PRKCH: variants seen among roughly 807,000 people sequenced by gnomAD.
PRKCH encodes the protein protein kinase C eta.
A neutral mutation model predicts 82.5 loss-of-function variants in PRKCH; 28 were observed. The ratio of observed to expected loss-of-function variants is 0.34; its 90% CI spans 0.25 to 0.47. The LOEUF is 0.47. Among genes scored for constraint, PRKCH ranks in the 20% least tolerant of loss-of-function variants. PRKCH has a pLI of 1.00. For missense variants in PRKCH, 705 were observed against 881.8 expected, an observed-to-expected ratio of 0.80 and a Z score of 2.54; for synonymous variants, 322 against 327.4, an observed-to-expected ratio of 0.98 and a Z score of 0.18.
At chr14:61,344,770 G>A (rs1323650338) in intron 1 of PRKCH, among the ~76,000 whole-genome samples, 1 of 152,100 alleles carries the variant, frequency 6.6e-6, no homozygotes, top group East Asian at 1.9e-4. Context: ...ATTTCTAGAA[G>A]TTCCTCCCGC....
chr14:61,429,792 T>G (rs1013763043), intron 2 of PRKCH, among the ~76,000 whole-genome samples: 1 of 152,100 alleles, frequency 6.6e-6, no homozygotes, highest in African/African-American at 2.4e-5. Flanking sequence ...AATATTAAAA[T>G]TTAACTAGTT....
intron 13 of PRKCH, 60 bp downstream of exon 13, chr14:61,547,946 A>G (rs1478963131): frequency 1.3e-6 from 2 of 1,582,096 alleles, no homozygotes; most frequent in Admixed American, 1.7e-5. Context: ...GCATTCCACC[A>G]AAGTCCGTAG....
intron 3 of PRKCH, 39 bp downstream of exon 3, chr14:61,443,300 C>T: frequency 6.3e-7 from 1 of 1,584,058 alleles, no homozygotes; most frequent in South Asian, 1.1e-5. Context: ...TCAGAGCTTC[C>T]ATCTAATAGG....
intron 1 of PRKCH, among the ~76,000 whole-genome samples, chr14:61,203,328 G>A (rs2044497036): frequency 6.6e-6 from 1 of 152,092 alleles, no homozygotes; most frequent in Non-Finnish European, 1.5e-5. Flanking sequence ...GGAAGGGGTG[G>A]GGGACGTTAG....
intron 1 of PRKCH, among the ~76,000 whole-genome samples, chr14:61,351,800 A>T (rs1037217842): frequency 6.6e-6 from 1 of 152,182 alleles, no homozygotes; most frequent in African/African-American, 2.4e-5. Context: ...AAATTTGAAC[A>T]TCCAACTTCA....
At chr14:61,450,355 T>C (rs1036353817) in intron 5 of PRKCH, among the ~76,000 whole-genome samples, 5 of 152,230 alleles carry the variant, frequency 3.3e-5, no homozygotes, top group African/African-American at 1.2e-4. Flanking sequence ...GTAGTTACTT[T>C]AATGTCACTT....
At chr14:61,236,213 T>C (rs2044786619) in intron 1 of PRKCH, among the ~76,000 whole-genome samples, 2 of 151,660 alleles carry the variant, frequency 1.3e-5, no homozygotes, top group Admixed American at 1.3e-4. Context: ...CTGCTAAAAC[T>C]ACAAAAATTA....
At chr14:61,463,152 T>C (rs987807932) in intron 9 of PRKCH, 1 of 152,202 alleles carries the variant, frequency 6.6e-6, no homozygotes, top group African/African-American at 2.4e-5. Flanking sequence ...ACCCTTAAAG[T>C]TCTTATCATT....
rs1246879615 is a variant in PRKCH, at chr14:61,280,483, C to T, written c.-19+92815C>T. 2 of 1,613,106 alleles carry T rather than the reference C, an allele frequency of 1.2e-6. No homozygotes were observed. Among genetic ancestry groups the T allele is most frequent in the Non-Finnish European group, 1.7e-6 (2 of 1,179,624 alleles). On this transcript the variant is annotated intron_variant, in intron 1 of 3. Coordinates refer to the PRKCH transcript ENST00000555185. This position sits in a 1 kb window ranked among gnomAD's most constrained non-coding sequence, Gnocchi z 5.0. Reference sequence around the variant, plus strand: ...GCGCCAGTTGGGCGGGGGCGCCGTGCCCTGGAAGGCCAACGCCAGGCTGCC... The same window carrying T: ...GCGCCAGTTGGGCGGGGGCGCCGTGTCCTGGAAGGCCAACGCCAGGCTGCC...
chr14:61,443,106 T>G lies in PRKCH; in HGVS notation c.428-5T>G. On this transcript the variant is annotated splice_region_variant and splice_polypyrimidine_tract_variant and intron_variant, in intron 2 of 13. Coordinates refer to ENST00000332981, the MANE Select transcript of PRKCH (RefSeq NM_006255.5). ...ATTCTTTTTTTCCTTCCTTTTAATA[T>G]ATAGCTACTCTCCAGAGAGACCGGA... 6.2e-7 allele frequency: 1 copy of G among 1,612,288 alleles called. No individual in the cohort carries two copies. The highest frequency in any genetic ancestry group is 8.5e-7 in the Non-Finnish European group (1 of 1,178,996).
At chr14:61,381,579 G>A (rs187874872) in intron 1 of PRKCH, among the ~76,000 whole-genome samples, 2 of 152,314 alleles carry the variant, frequency 1.3e-5, no homozygotes, top group East Asian at 1.9e-4. Flanking sequence ...ATGCTGACTC[G>A]GACTCTCCAG....
At chr14:61,327,497 A>G (rs1483285782) in intron 1 of PRKCH, among the ~76,000 whole-genome samples, 3 of 152,338 alleles carry the variant, frequency 2.0e-5, no homozygotes, top group African/African-American at 7.2e-5. Context: ...TGTATTGGCT[A>G]TGTAGCGTCT....
chr14:61,352,838 A>G (rs1021693482), intron 1 of PRKCH, among the ~76,000 whole-genome samples: 1 of 152,230 alleles, frequency 6.6e-6, no homozygotes, highest in Non-Finnish European at 1.5e-5. Context: ...TAGTATCAGT[A>G]TAGGCCTGCA....
intron 10 of PRKCH, among the ~76,000 whole-genome samples, chr14:61,518,920 C>T (rs1455831747): frequency 6.6e-6 from 1 of 152,118 alleles, no homozygotes; most frequent in Non-Finnish European, 1.5e-5. Flanking sequence ...TCAAGCAATC[C>T]TCTCACCCCA....
intron 1 of PRKCH, among the ~76,000 whole-genome samples, chr14:61,235,475 C>T (rs2044780159): frequency 1.3e-5 from 2 of 152,164 alleles, no homozygotes; most frequent in African/African-American, 4.8e-5. Flanking sequence ...TTGCCCCTAC[C>T]AGCGCTTGAG....
At chr14:61,189,466 G>T (rs1330491579) in intron 1 of PRKCH, among the ~76,000 whole-genome samples, 1 of 151,994 alleles carries the variant, frequency 6.6e-6, no homozygotes, top group African/African-American at 2.4e-5. Context: ...GCCTTGAGAT[G>T]CTTCCTTTAT....
At chr14:61,357,764 A>G (rs1442532559) in intron 1 of PRKCH, among the ~76,000 whole-genome samples, 2 of 151,972 alleles carry the variant, frequency 1.3e-5, no homozygotes, top group South Asian at 2.1e-4. Flanking sequence ...TGCTGCCTCT[A>G]TGTCTTGTAT....
At chr14:61,272,418 G>T (rs2045165979) in intron 1 of PRKCH, among the ~76,000 whole-genome samples, 1 of 134,338 alleles carries the variant, frequency 7.4e-6, no homozygotes, top group Non-Finnish European at 1.5e-5. Context: ...CAGTGGCACG[G>T]TCTAGGCTCA....
At chr14:61,495,654 T>G (rs1366695841) in intron 10 of PRKCH, among the ~76,000 whole-genome samples, 2 of 152,200 alleles carry the variant, frequency 1.3e-5, no homozygotes, top group Non-Finnish European at 2.9e-5. Flanking sequence ...CTTGGGGTGT[T>G]TGTTCTTTCC....
Sources: allele counts gnomAD v4.1 joint callset (sites outside exome capture counted in the v4.1 genomes callset), GRCh38; gene constraint gnomAD v4.1.1; non-coding constraint Gnocchi (gnomAD v3.1); transcripts MANE v1.5; gene names NCBI Gene and HGNC (gene_info 2026-07-23, HGNC 2026-07-21).